TNFRSF19: variants seen among roughly 807,000 people sequenced by gnomAD.
TNFRSF19 encodes the protein tumor necrosis factor receptor superfamily member 19.
In TNFRSF19, 27 loss-of-function variants were observed where a neutral mutation model predicts 46.4. The ratio of observed to expected loss-of-function variants is 0.58; its 90% confidence interval spans 0.43 to 0.80. The LOEUF (loss-of-function observed/expected upper bound fraction) is 0.80. Among genes scored for constraint, TNFRSF19 ranks in the 30% least tolerant of loss-of-function variants. The pLI, the probability that TNFRSF19 is intolerant of heterozygous loss-of-function variation, is 0.00. For synonymous variants in TNFRSF19, 204 were observed against 205.0 expected (o/e 1.00, Z 0.04); for missense variants, 511 against 530.8 (o/e 0.96, Z 0.37).
intron 1 of TNFRSF19, among the ~76,000 whole-genome samples, chr13:23,578,433 C>T (rs1281739021): frequency 1.3e-5 from 2 of 152,152 alleles, no homozygotes. Flanking sequence ...CCGTTGGAAG[C>T]CTGGGATCAC....
intron 1 of TNFRSF19, among the ~76,000 whole-genome samples, chr13:23,576,774 C>T (rs1005595461): frequency 1.3e-5 from 2 of 152,172 alleles, no homozygotes; most frequent in Non-Finnish European, 2.9e-5. Flanking sequence ...AGTACAGACA[C>T]AACCATTCAT....
chr13:23,634,855 G>A (rs1050303635), intron 5 of TNFRSF19, among the ~76,000 whole-genome samples: 6 of 152,160 alleles, frequency 3.9e-5, no homozygotes, highest in Admixed American at 3.3e-4. Flanking sequence ...CAATGGATTG[G>A]GATCGTTTTG....
intron 1 of TNFRSF19, among the ~76,000 whole-genome samples, chr13:23,575,360 A>C (rs1482784559): frequency 6.6e-6 from 1 of 152,150 alleles, no homozygotes; most frequent in African/African-American, 2.4e-5. Flanking sequence ...TTTTTCATAT[A>C]TATTGGTTTA....
At chr13:23,615,796 C>A in intron 3 of TNFRSF19, 71 bp from the exon 4 acceptor site, 1 of 1,437,040 alleles carries the variant, frequency 7.0e-7, no homozygotes, top group Non-Finnish European at 9.3e-7. Flanking sequence ...GTCTTCGTTT[C>A]ATCCTAGCGG....
intron 3 of TNFRSF19, among the ~76,000 whole-genome samples, chr13:23,598,510 A>G (rs1176822346): frequency 6.6e-6 from 1 of 152,312 alleles, no homozygotes; most frequent in East Asian, 1.9e-4. Context: ...TGTCTTAAAT[A>G]AAGATGCTCT....
chr13:23,577,014 G>C (rs762475840), intron 1 of TNFRSF19, among the ~76,000 whole-genome samples: 1 of 152,206 alleles, frequency 6.6e-6, no homozygotes, highest in Non-Finnish European at 1.5e-5. Flanking sequence ...TATTTAGTAA[G>C]TGCTAGGCAT....
chr13:23,649,954 T>C (rs1392609352), intron 5 of TNFRSF19, among the ~76,000 whole-genome samples: 1 of 152,184 alleles, frequency 6.6e-6, no homozygotes, highest in Admixed American at 6.5e-5. Context: ...TATGGACACT[T>C]GTTTTGTGAC....
At position 23,668,746 on chromosome 13, in the gene TNFRSF19, G is replaced by A; in HGVS notation, c.894G>A (p.Gln298=). The A allele has an allele frequency of 2.5e-6, 4 of 1,614,252 alleles. No individual in the cohort carries two copies. Among genetic ancestry groups the A allele is most frequent in the Non-Finnish European group, 3.4e-6 (4 of 1,180,048 alleles). ...MVPTFFGSLT[Q]SICGEFSDAW... ...CGACTTTCTTCGGATCCCTCACGCA[G>A]TCCATCTGTGGCGAGTTTTCAGATG... Residue 298 remains glutamine (Q), a synonymous_variant, in exon 9 of 10, where the codon CAG becomes CAA. Coordinates refer to ENST00000248484, the MANE Select transcript of TNFRSF19 (RefSeq NM_148957.4).
intron 3 of TNFRSF19, among the ~76,000 whole-genome samples, chr13:23,602,323 A>T (rs1047295677): frequency 2.0e-5 from 3 of 151,672 alleles, no homozygotes; most frequent in African/African-American, 7.3e-5. Flanking sequence ...AATTATAATA[A>T]TCTTTAATGG....
chr13:23,619,484 T>C (rs1236634575), intron 4 of TNFRSF19, among the ~76,000 whole-genome samples: 1 of 147,336 alleles, frequency 6.8e-6, no homozygotes, highest in African/African-American at 2.7e-5. Flanking sequence ...TGTGAATGTA[T>C]GGAAAACCAT....
At chr13:23,666,347 T>C (rs561956827) in intron 7 of TNFRSF19, among the ~76,000 whole-genome samples, 16 of 152,350 alleles carry the variant, frequency 1.1e-4, no homozygotes, top group Admixed American at 7.8e-4. Context: ...AAATGCTGGC[T>C]TTCTAATTCC....
At position 23,659,118 on chromosome 13, in the gene TNFRSF19, G is replaced by C. The variant is rs1566219147; in HGVS notation, c.514G>C (p.Ala172Pro). The part of the protein sequence containing the change: ...ASSPRDTALA[A>P]VICSALATVL... The stretch of plus-strand genomic sequence containing the variant: ...CAGCCCACGGGACACGGCGCTGGCT[G>C]CCGTTATCTGCAGCGCTCTGGCCAC... Residue 172 changes from alanine to proline, a missense_variant, in exon 6 of 10, where the codon GCC becomes CCC. Around this residue, in one of 3 missense-constraint regions of TNFRSF19, gnomAD observed 376 missense variants for 372.7 expected, o/e 1.01. Transcript: ENST00000248484. This position sits in a 1 kb window ranked among gnomAD's most constrained non-coding sequence, Gnocchi z 4.9. 1 of 1,614,058 alleles carries C rather than the reference G, an allele frequency of 6.2e-7. No individual in the cohort carries two copies.
intron 3 of TNFRSF19, among the ~76,000 whole-genome samples, chr13:23,602,219 T>C (rs547564899): frequency 1.3e-5 from 2 of 152,302 alleles, no homozygotes; most frequent in South Asian, 2.1e-4. Flanking sequence ...GGAGTAGCTA[T>C]ATTAATTTCA....
chr13:23,605,273 A>T (rs1880432595), intron 3 of TNFRSF19, among the ~76,000 whole-genome samples: 2 of 152,194 alleles, frequency 1.3e-5, no homozygotes, highest in African/African-American at 4.8e-5. Context: ...CCGTACACCT[A>T]TTAGAAATCC....
chr13:23,622,563 G>GA (rs1227926210), intron 4 of TNFRSF19, among the ~76,000 whole-genome samples: 1 of 152,114 alleles, frequency 6.6e-6, no homozygotes, highest in Admixed American at 6.6e-5. Context: ...GGAAGGCTCA[G>GA]ACCTCTAAAC....
intron 5 of TNFRSF19, among the ~76,000 whole-genome samples, chr13:23,646,581 T>C (rs1357313069): frequency 6.6e-6 from 1 of 152,224 alleles, no homozygotes; most frequent in Non-Finnish European, 1.5e-5. Flanking sequence ...GCATAATGTT[T>C]TCAAGATTCA....
intron 7 of TNFRSF19, 123 bp from the exon 8 acceptor site, chr13:23,667,857 C>T (rs1279011751): frequency 2.6e-6 from 2 of 764,328 alleles, no homozygotes; most frequent in African/African-American, 3.6e-5. Context: ...CCTTGTATTC[C>T]TTTTCCCCCA....
chr13:23,608,028 G>A (rs1303378274), intron 3 of TNFRSF19, among the ~76,000 whole-genome samples: 1 of 152,150 alleles, frequency 6.6e-6, no homozygotes, highest in African/African-American at 2.4e-5. Flanking sequence ...AGGGCTGGCT[G>A]GGGCTTCTGG....
At chr13:23,595,909 C>T (rs975653766) in intron 3 of TNFRSF19, among the ~76,000 whole-genome samples, 14 of 152,338 alleles carry the variant, frequency 9.2e-5, no homozygotes, top group African/African-American at 3.4e-4. Context: ...AACAGTGGAT[C>T]TCTCTGCAGA....
Sources: allele counts gnomAD v4.1 joint callset (sites outside exome capture counted in the v4.1 genomes callset), GRCh38; gene constraint gnomAD v4.1.1; regional missense constraint gnomAD v4.1.1; non-coding constraint Gnocchi (gnomAD v3.1); transcripts MANE v1.5; gene names NCBI Gene and HGNC (gene_info 2026-07-23, HGNC 2026-07-21).